The following USH2A variants were observed in gnomAD, a reference collection of about 807,000 sequenced individuals.
The protein encoded by USH2A is Usher syndrome 2A (autosomal recessive, mild).
A neutral mutation model predicts 538.9 loss-of-function variants in USH2A; 443 were observed. That is an observed-to-expected ratio of 0.82 (90% CI 0.76 to 0.89). The LOEUF (loss-of-function observed/expected upper bound fraction) is 0.89, where lower values mean the gene tolerates loss of function less well. Ranked by LOEUF, USH2A falls within the 40% of genes least tolerant of loss-of-function variation. The pLI is 0.00. For synonymous variants in USH2A, 2,413 were observed against 2,273.5 expected (o/e 1.06, Z -1.75); for missense variants, 6,633 against 6,324.8 (o/e 1.05, Z -1.65).
intron 26 of USH2A, among the ~76,000 whole-genome samples, chr1:216,082,282 G>GATTCATAGACATTACATTTCAGCGAAT (rs2031974691): frequency 6.6e-6 from 1 of 152,006 alleles, no homozygotes; most frequent in Non-Finnish European, 1.5e-5. Flanking sequence ...TTTCAGCGAA[G>GATTCATAGACATTACATTTCAGCGAAT]ATTCATAGAC....
At chr1:216,267,048 C>T (rs886156892) in intron 11 of USH2A, among the ~76,000 whole-genome samples, 3 of 151,824 alleles carry the variant, frequency 2.0e-5, no homozygotes, top group Non-Finnish European at 2.9e-5. Flanking sequence ...TCACCAAGGG[C>T]GTGAGCGTAG....
chr1:216,252,609 A>G (rs1316888440), intron 11 of USH2A, among the ~76,000 whole-genome samples: 2 of 152,242 alleles, frequency 1.3e-5, no homozygotes, highest in African/African-American at 4.8e-5. Context: ...AATTGATATG[A>G]AAATATCTAA....
chr1:215,674,004 C>T (rs1657907150), intron 63 of USH2A, 96 bp downstream of exon 63: 1 of 1,609,066 alleles, frequency 6.2e-7, no homozygotes, highest in Non-Finnish European at 8.5e-7. Flanking sequence ...ACCTTGCATC[C>T]CATTTTTAGA....
At chr1:215,693,276 C>A (rs1030923238) in intron 61 of USH2A, among the ~76,000 whole-genome samples, 5 of 151,960 alleles carry the variant, frequency 3.3e-5, no homozygotes, top group Admixed American at 6.5e-5. Flanking sequence ...CCACTGCACC[C>A]AACCAGTTTA....
chr1:215,841,368 T>A (rs114034627), intron 46 of USH2A, among the ~76,000 whole-genome samples: 5,457 of 152,114 alleles, frequency 0.036, 168 homozygotes, highest in East Asian at 0.15. Context: ...TGGAACGGAA[T>A]AGAGATCTCA....
intron 3 of USH2A, among the ~76,000 whole-genome samples, chr1:216,369,174 A>C (rs2038654637): frequency 6.6e-6 from 1 of 152,200 alleles, no homozygotes; most frequent in Admixed American, 6.5e-5. Context: ...TTTCTAAGTG[A>C]AAGAAGGATT....
intron 64 of USH2A, among the ~76,000 whole-genome samples, chr1:215,664,659 C>A (rs1657548356): frequency 3.9e-5 from 6 of 152,058 alleles, no homozygotes; most frequent in Admixed American, 3.9e-4. Flanking sequence ...TGTTTTTGTC[C>A]CCTTCAAATA....
At chr1:215,916,634 T>C (rs1368243072) in intron 38 of USH2A, among the ~76,000 whole-genome samples, 1 of 152,064 alleles carries the variant, frequency 6.6e-6, no homozygotes, top group Non-Finnish European at 1.5e-5. Context: ...AAATGAAAAA[T>C]GGTTCCCATG....
At chr1:215,841,997 T>C (rs545075793) in intron 46 of USH2A, among the ~76,000 whole-genome samples, 75 of 152,268 alleles carry the variant, frequency 4.9e-4, no homozygotes, top group Middle Eastern at 6.8e-3. Context: ...TATTATTTCT[T>C]TGTAAAAGGG....
chr1:216,203,312 C>A (rs369009764), intron 16 of USH2A, among the ~76,000 whole-genome samples: 13 of 151,602 alleles, frequency 8.6e-5, no homozygotes, highest in East Asian at 7.8e-4. Flanking sequence ...ACATACATAT[C>A]TATGATAAAG....
intron 11 of USH2A, among the ~76,000 whole-genome samples, chr1:216,273,382 C>T (rs142118384): frequency 1.3e-5 from 2 of 151,886 alleles, no homozygotes; most frequent in African/African-American, 4.8e-5. Context: ...AGGCCCCACA[C>T]TGAGGAGAAA....
intron 3 of USH2A, among the ~76,000 whole-genome samples, chr1:216,387,940 C>T (rs998311024): frequency 6.6e-6 from 1 of 152,118 alleles, no homozygotes; most frequent in African/African-American, 2.4e-5. Context: ...GCGTCAGGCT[C>T]TCCTGACCTT....
chr1:216,070,400 T>A, intron 29 of USH2A, 108 bp from the exon 30 acceptor site: 1 of 1,003,024 alleles, frequency 1.0e-6, no homozygotes, highest in Non-Finnish European at 1.5e-6. Flanking sequence ...ACCATTAGCA[T>A]AAATACAATT....
In USH2A at chr1:215,657,219, T is replaced by C. The variant is rs191348902; in HGVS notation, c.14134-6418A>G. 2.7e-3 allele frequency among the ~76,000 whole-genome samples: 413 copies of C among 152,334 alleles called. 10 individuals are homozygous for C. The highest frequency in any genetic ancestry group is 1.5e-3 in the Non-Finnish European group (102 of 68,036). ...AAATAAAAAGATACAATCAAGGAGATCATATCAATTCATCTACAACCTTGG... is the reference window on the plus strand; with the variant it reads ...AAATAAAAAGATACAATCAAGGAGACCATATCAATTCATCTACAACCTTGG... On this transcript the variant is annotated intron_variant, in intron 64 of 71. Coordinates refer to ENST00000307340, the MANE Select transcript of USH2A (RefSeq NM_206933.4).
rs572015583 is a variant in USH2A, at chr1:216,036,751, T to A, written c.6325+9680A>T. On this transcript the variant is annotated intron_variant, in intron 32 of 71. Coordinates refer to ENST00000307340, the MANE Select transcript of USH2A (RefSeq NM_206933.4). ...ATGTTTCAGTTTGCAAATTTTCCAA[T>A]GGCTTTCTGGAAGACAGGAATTTAA... 2.6e-5 allele frequency among the ~76,000 whole-genome samples: 4 copies of A among 152,236 alleles called. No homozygotes were observed. The East Asian group carries it at 7.7e-4, about 29-fold the overall frequency.
At chr1:216,012,023 A>G (rs193091115) in intron 32 of USH2A, among the ~76,000 whole-genome samples, 1,768 of 58,690 alleles carry the variant, frequency 0.03, 490 homozygotes, top group African/African-American at 0.1. Flanking sequence ...TCTGTCGCCC[A>G]GGCCGGACTG....
At chr1:216,362,952 T>A (rs978235913) in intron 4 of USH2A, among the ~76,000 whole-genome samples, 4 of 150,338 alleles carry the variant, frequency 2.7e-5, no homozygotes, top group East Asian at 1.9e-4. Context: ...AAAAAAATAA[T>A]AATAAAATAA....
intron 49 of USH2A, among the ~76,000 whole-genome samples, chr1:215,806,435 T>C (rs905181161): frequency 6.6e-6 from 1 of 152,070 alleles, no homozygotes; most frequent in Non-Finnish European, 1.5e-5. Context: ...GATGCCTTTG[T>C]TATCAACATC....
intron 49 of USH2A, among the ~76,000 whole-genome samples, chr1:215,804,128 T>C (rs1662421123): frequency 6.6e-6 from 1 of 152,070 alleles, no homozygotes; most frequent in Admixed American, 6.6e-5. Context: ...TATACAAAAA[T>C]CAATTCAAGA....
Sources: gnomAD v4.1 joint callset for allele counts (sites outside exome capture counted in the v4.1 genomes callset) on GRCh38, gnomAD v4.1.1 for gene constraint, MANE v1.5 for transcripts, NCBI Gene and HGNC (gene_info 2026-07-23, HGNC 2026-07-21) for gene names.